The following NFKBIL1 variants were observed in gnomAD, a reference collection of about 807,000 sequenced individuals.
The protein encoded by NFKBIL1 is NF-kappa-B inhibitor-like protein 1.
NFKBIL1 carries 30 observed loss-of-function variants against 45.4 expected under a neutral mutation model. The observed-to-expected ratio is 0.66, with a 90% CI of 0.49 to 0.90. NFKBIL1 has a LOEUF of 0.90. Among genes scored for constraint, NFKBIL1 ranks in the 40% least tolerant of loss-of-function variants. The pLI, the probability that NFKBIL1 is intolerant of heterozygous loss-of-function variation, is 0.00. For synonymous variants in NFKBIL1, 179 were observed against 197.3 expected (o/e 0.91, Z 0.78); for missense variants, 434 against 513.4 (o/e 0.85, Z 1.49).
Position 31,557,644 on chromosome 6 carries a change from C to G in NFKBIL1, c.351C>G (p.Phe117Leu). ...CACCAACAGCCTACACCGATTTCTTCCTCCCGCTGCTAAGCCGCTGTCCCT... is the reference window on the plus strand; with the variant it reads ...CACCAACAGCCTACACCGATTTCTTGCTCCCGCTGCTAAGCCGCTGTCCCT... ...RQGPDAYTDFFLPLLSRCPSA... is the reference protein window; with the variant it reads ...RQGPDAYTDFLLPLLSRCPSA... Residue 117 changes from phenylalanine (F) to leucine (L), a missense_variant, in exon 3 of 4, where the codon TTC becomes TTG. By Grantham distance (22) the Phe-to-Leu change is conservative. Coordinates refer to ENST00000376148, the MANE Select transcript of NFKBIL1 (RefSeq NM_005007.4). This position sits in a 1 kb window ranked among gnomAD's most constrained non-coding sequence, Gnocchi z 5.4. 1 of 1,535,630 alleles carries G rather than the reference C, an allele frequency of 6.5e-7. No homozygotes were observed. Among genetic ancestry groups the G allele is most frequent in the Non-Finnish European group, 8.8e-7 (1 of 1,136,218 alleles).
At chr6:31,547,362 G>C (rs1470531790), upstream of NFKBIL1, among the ~76,000 whole-genome samples, 1 of 151,564 alleles carries the variant, frequency 6.6e-6, no homozygotes, top group Non-Finnish European at 1.5e-5. Flanking sequence ...GAGGAGGCGG[G>C]AAAAAACCTC....
In NFKBIL1 at chr6:31,547,853, G is replaced by GT. The variant is rs1382422640; in HGVS notation, c.57+109dup. 24 of 1,050,232 alleles carry GT rather than the reference G, an allele frequency of 2.3e-5. No homozygotes were observed. In the East Asian group the frequency reaches 3.8e-4, roughly 17 times the overall value. 65.1% of individuals were successfully genotyped at this position (1,050,232 alleles called of 1,614,324 possible). Reference sequence around the variant, plus strand: ...AATTTTCCCCATCCGGCCCTGTTGGGTTTTTTTAAAGTTCTTTGTTAAAAA... The same window carrying GT: ...AATTTTCCCCATCCGGCCCTGTTGGGTTTTTTTTAAAGTTCTTTGTTAAAAA... On this transcript the variant is annotated intron_variant, in intron 1 of 3. Transcript: ENST00000376148.
chr6:31,558,373 C>A lies in NFKBIL1; in HGVS notation c.908C>A (p.Pro303His). ...TGGCGATTTGGTGATGTGCCCTGGC[C>A]CTGCCCTGGGGGAGGGGACCCAGAG... ...SLWRFGDVPW[P>H]CPGGGDPEAM... The change falls in exon 4 of 4, where the codon CCC (proline) becomes CAC (histidine). Residue 303 changes from proline to histidine, a missense_variant. By Grantham distance (77) the Pro-to-His change is moderately conservative. Around this residue, in one of 4 missense-constraint regions of NFKBIL1, gnomAD observed 128 missense variants for 106.5 expected, o/e 1.20. Transcript: ENST00000376148. This position sits in a 1 kb window ranked among gnomAD's most constrained non-coding sequence, Gnocchi z 7.2. The A allele has an allele frequency of 1.3e-6, 2 of 1,552,536 alleles. No homozygotes were observed. Among genetic ancestry groups the A allele is most frequent in the East Asian group, 2.4e-5 (1 of 41,750 alleles).
intron 2 of NFKBIL1, among the ~76,000 whole-genome samples, chr6:31,552,132 C>T (rs1483785814): frequency 2.0e-5 from 3 of 152,132 alleles, no homozygotes; most frequent in Non-Finnish European, 4.4e-5. Flanking sequence ...GGGGTTTCAA[C>T]ATGTTGGCCA....
In NFKBIL1 at chr6:31,557,584, T is replaced by C; in HGVS notation, c.335-44T>C. 1 of 1,420,792 alleles carries C rather than the reference T, an allele frequency of 7.0e-7. No individual in the cohort carries two copies. The highest frequency in any genetic ancestry group is 1.6e-5 in the South Asian group (1 of 62,690). The allele number at this position is 1,420,792 out of a possible 1,614,324, so 88.0% of individuals were successfully genotyped here. ...TCAAGATGGCAGCTCTGCCGAGGAG[T>C]GGGAGTCCCAGCTAACTTCTGCTCC... On this transcript the variant is annotated intron_variant, in intron 2 of 3. Transcript: ENST00000376148. The surrounding 1 kb of genome is among the most constrained non-coding windows in gnomAD (Gnocchi z 5.4).
chr6:31,548,056 TA>T (rs1562444510), intron 1 of NFKBIL1, 106 bp from the exon 2 acceptor site: 7 of 1,445,234 alleles, frequency 4.8e-6, no homozygotes, highest in Non-Finnish European at 6.7e-6. Flanking sequence ...CTGAAGATAT[TA>T]AAAAAAGACG....
rs995261848 is a variant in NFKBIL1 at position 31,558,768 on chromosome 6, C to T, written c.*157C>T. On this transcript the variant is annotated 3_prime_UTR_variant, in exon 4 of 4. Transcript: ENST00000376148. This position sits in a 1 kb window ranked among gnomAD's most constrained non-coding sequence, Gnocchi z 7.2. ...TTGTAACAAGTGGGGGTGGGGGGTG[C>T]GGGCCGCCACCACTGCTCCTTGACT... 27 of 605,120 alleles carry T rather than the reference C, an allele frequency of 4.5e-5. No individual in the cohort carries two copies. The Admixed American group carries it at 6.3e-4, about 14-fold the overall frequency. 37.5% of individuals were successfully genotyped at this position (605,120 alleles called of 1,614,324 possible).
intron 2 of NFKBIL1, among the ~76,000 whole-genome samples, chr6:31,555,226 AT>A (rs1270175438): frequency 3.8e-5 from 5 of 132,260 alleles, no homozygotes; most frequent in African/African-American, 1.1e-4. Flanking sequence ...TTGCCAGTCT[AT>A]TTTTTTTCTT....
chr6:31,552,581 C>T (rs899813284), intron 2 of NFKBIL1, among the ~76,000 whole-genome samples: 4 of 152,118 alleles, frequency 2.6e-5, no homozygotes, highest in Admixed American at 2.0e-4. Context: ...GCCACAGCGC[C>T]TGGCCAAAAT....
At chr6:31,554,721 T>G (rs146418019) in intron 2 of NFKBIL1, among the ~76,000 whole-genome samples, 28 of 152,356 alleles carry the variant, frequency 1.8e-4, no homozygotes, top group African/African-American at 6.0e-4. Flanking sequence ...TGAGAGCAGT[T>G]TGACCAAATT....
rs1032751608 is a variant in NFKBIL1, at chr6:31,558,766, T to A, written c.*155T>A. The A allele has an allele frequency of 1.1e-5, 6 of 533,532 alleles. No individual in the cohort carries two copies. Among genetic ancestry groups the A allele is most frequent in the African/African-American group, 9.7e-5 (5 of 51,778 alleles). 33.0% of individuals were successfully genotyped at this position (533,532 alleles called of 1,614,324 possible). A position where few individuals can be genotyped will look rare whatever the true frequency, so the allele number is the denominator to read the frequency against. On this transcript the variant is annotated 3_prime_UTR_variant, in exon 4 of 4. Coordinates refer to ENST00000376148, the MANE Select transcript of NFKBIL1 (RefSeq NM_005007.4). The surrounding 1 kb of genome is among the most constrained non-coding windows in gnomAD (Gnocchi z 7.2). ...AGTTGTAACAAGTGGGGGTGGGGGG[T>A]GCGGGCCGCCACCACTGCTCCTTGA... is the stretch of plus-strand genomic sequence containing the variant.
At chr6:31,555,866 C>T (rs1769708388) in intron 2 of NFKBIL1, among the ~76,000 whole-genome samples, 1 of 149,314 alleles carries the variant, frequency 6.7e-6, no homozygotes, top group Non-Finnish European at 1.5e-5. Context: ...CTTGGCCAGG[C>T]TGGTATTGAA....
At chr6:31,552,415 G>A (rs1200534321) in intron 2 of NFKBIL1, among the ~76,000 whole-genome samples, 2 of 151,934 alleles carry the variant, frequency 1.3e-5, no homozygotes, top group African/African-American at 4.8e-5. Flanking sequence ...TGGGACTATA[G>A]GCGTAGGGAC....
At chr6:31,555,971 C>T (rs1008266654) in intron 2 of NFKBIL1, among the ~76,000 whole-genome samples, 2 of 151,610 alleles carry the variant, frequency 1.3e-5, no homozygotes, top group Non-Finnish European at 2.9e-5. Context: ...ATCTGATCCT[C>T]TCTACAGTTT....
chr6:31,557,930 T>C lies in NFKBIL1; in HGVS notation c.556+81T>C, dbSNP rs1212266682. 6.7e-7 allele frequency: 1 copy of C among 1,499,090 alleles called. No individual in the cohort carries two copies. Among genetic ancestry groups the C allele is most frequent in the Non-Finnish European group, 9.0e-7 (1 of 1,108,614 alleles). The allele number at this position is 1,499,090 out of a possible 1,614,324, so 92.9% of individuals were successfully genotyped here. On this transcript the variant is annotated intron_variant, in intron 3 of 3. Coordinates refer to ENST00000376148, the MANE Select transcript of NFKBIL1 (RefSeq NM_005007.4). The surrounding 1 kb of genome is among the most constrained non-coding windows in gnomAD (Gnocchi z 5.4). Reference sequence around the variant, plus strand: ...GCATGAATGCGTCACACTAGGCTCCTCTGCCCCCTCCTCTGTGCTTCCCTG... The same window carrying C: ...GCATGAATGCGTCACACTAGGCTCCCCTGCCCCCTCCTCTGTGCTTCCCTG...
At position 31,558,332 on chromosome 6, in the gene NFKBIL1, G is replaced by A. The variant is rs199905519; in HGVS notation, c.867G>A (p.Ala289=). The change falls in exon 4 of 4, where the codon GCG becomes GCA. Residue 289 remains alanine (A), a synonymous_variant. Coordinates refer to ENST00000376148, the MANE Select transcript of NFKBIL1 (RefSeq NM_005007.4). The surrounding 1 kb of genome is among the most constrained non-coding windows in gnomAD (Gnocchi z 7.2). The part of the protein sequence containing the change: ...AGPREEHPRG[A]GRGSLWRFGD... ...CCAGGGAAGAGCACCCCAGAGGAGC[G>A]GGGAGGGGCAGCCTCTGGCGATTTG... is the stretch of plus-strand genomic sequence containing the variant. 1.8e-5 allele frequency: 28 copies of A among 1,564,230 alleles called. No homozygotes were observed. The highest frequency in any genetic ancestry group is 6.8e-5 in the African/African-American group (5 of 74,016).
chr6:31,557,804 G>T lies in NFKBIL1; in HGVS notation c.511G>T (p.Gly171Cys). The T allele has an allele frequency of 6.2e-7, 1 of 1,609,882 alleles. No homozygotes were observed. The highest frequency in any genetic ancestry group is 8.5e-7 in the Non-Finnish European group (1 of 1,177,040). The change falls in exon 3 of 4, where the codon GGT (glycine) becomes TGT (cysteine). Residue 171 changes from glycine to cysteine, a missense_variant. By Grantham distance (159) the Gly-to-Cys change is radical (BLOSUM62 -3). Around this residue, in one of 4 missense-constraint regions of NFKBIL1, gnomAD observed 231 missense variants for 264.1 expected, o/e 0.87. Transcript: ENST00000376148. This position sits in a 1 kb window ranked among gnomAD's most constrained non-coding sequence, Gnocchi z 5.4. ...GCGGGAATGGAGACAGAAGCTCCAGGGTGAGCTGGAGGACGAGTGGCAGGA... is the reference window on the plus strand; with the variant it reads ...GCGGGAATGGAGACAGAAGCTCCAGTGTGAGCTGGAGGACGAGTGGCAGGA... Reference protein sequence around the residue: ...KEREWRQKLQGELEDEWQEVM... With the variant: ...KEREWRQKLQCELEDEWQEVM...
At chr6:31,549,842 A>G (rs1043896507) in intron 2 of NFKBIL1, among the ~76,000 whole-genome samples, 2 of 152,150 alleles carry the variant, frequency 1.3e-5, no homozygotes, top group African/African-American at 4.8e-5. Flanking sequence ...TCAAGTCCCA[A>G]AAACATTTGA....
At chr6:31,548,093 A>G in intron 1 of NFKBIL1, 70 bp from the exon 2 acceptor site, 6 of 1,590,662 alleles carry the variant, frequency 3.8e-6, no homozygotes, top group Non-Finnish European at 4.3e-6. Context: ...ACAACAGGGG[A>G]TGTCAGAGAT....
Sources: allele counts gnomAD v4.1 joint callset (sites outside exome capture counted in the v4.1 genomes callset), GRCh38; gene constraint gnomAD v4.1.1; regional missense constraint gnomAD v4.1.1; non-coding constraint Gnocchi (gnomAD v3.1); transcripts MANE v1.5; gene names NCBI Gene and HGNC (gene_info 2026-07-23, HGNC 2026-07-21).